Variants in USP5 observed in about 807,000 individuals in gnomAD.
USP5 encodes ubiquitin specific peptidase 5, also known as ubiquitin carboxyl-terminal hydrolase 5.
Under a neutral mutation model 102.5 loss-of-function variants are expected in USP5, and 24 were observed. The observed-to-expected ratio is 0.23, with a 90% CI of 0.17 to 0.33. USP5 has a LOEUF of 0.33. Ranked by LOEUF, USP5 falls within the 10% of genes least tolerant of loss-of-function variation. The pLI, the probability that USP5 is intolerant of heterozygous loss-of-function variation, is 1.00. For synonymous variants in USP5, 460 were observed against 434.8 expected (o/e 1.06, Z -0.72); for missense variants, 753 against 1,122.1 (o/e 0.67, Z 4.70).
Position 6,861,238 on chromosome 12 carries a change from AG to A in USP5, c.1498+134del. 6.9e-7 allele frequency: 1 copy of A among 1,456,438 alleles called. No homozygotes were observed. Among genetic ancestry groups the A allele is most frequent in the Non-Finnish European group, 9.2e-7 (1 of 1,085,002 alleles). The allele number at this position is 1,456,438 out of a possible 1,614,324, so 90.2% of individuals were successfully genotyped here. Reference sequence around the variant, plus strand: ...AGCCAAGGTTCCAGTCTGGGCCACCAGGAGTAGGTAGATTAACCTCGTCCAG... The same window carrying A: ...AGCCAAGGTTCCAGTCTGGGCCACCAGAGTAGGTAGATTAACCTCGTCCAG... On this transcript the variant is annotated intron_variant, in intron 12 of 19. Transcript: ENST00000229268. The surrounding 1 kb of genome is among the most constrained non-coding windows in gnomAD (Gnocchi z 4.9).
chr12:6,854,018 C>T (rs1211332688), intron 1 of USP5, among the ~76,000 whole-genome samples: 1 of 152,144 alleles, frequency 6.6e-6, no homozygotes, highest in Admixed American at 6.5e-5. Flanking sequence ...GAGGGAAGAC[C>T]CTTATTGTCT....
rs1555130163 is a variant in USP5, at chr12:6,864,012, A to C, written c.2099-38A>C. ...GGGAGCAGGGTGGGGCAGGGCCTCC[A>C]TCCTCCCCCAAACACATCAACCCCT... On this transcript the variant is annotated intron_variant, in intron 16 of 19. Coordinates refer to ENST00000229268, the MANE Select transcript of USP5 (RefSeq NM_001098536.2). The surrounding 1 kb of genome is among the most constrained non-coding windows in gnomAD (Gnocchi z 4.8). 1 of 1,580,584 alleles carries C rather than the reference A, an allele frequency of 6.3e-7. No individual in the cohort carries two copies. Among genetic ancestry groups the C allele is most frequent in the Non-Finnish European group, 8.6e-7 (1 of 1,157,952 alleles).
rs923761206 is a variant in USP5 at position 6,863,926 on chromosome 12, G to A, written c.2051G>A (p.Gly684Glu). 1.9e-6 allele frequency: 3 copies of A among 1,610,048 alleles called. No homozygotes were observed. The highest frequency in any genetic ancestry group is 2.5e-6 in the Non-Finnish European group (3 of 1,177,272). ...RKAVYYTGNS[G>E]AEAAMNWVMS... ...GCTGTCTACTACACGGGCAACAGCG[G>A]GGCTGAGGCCGCCATGAACTGGGTC... is the stretch of plus-strand genomic sequence containing the variant. Residue 684 changes from glycine to glutamate, a missense_variant, in exon 16 of 20, where the codon GGG becomes GAG. Physicochemically the swap from Gly to Glu is moderately conservative, Grantham distance 98. Coordinates refer to ENST00000229268, the MANE Select transcript of USP5 (RefSeq NM_001098536.2). The surrounding 1 kb of genome is among the most constrained non-coding windows in gnomAD (Gnocchi z 4.7).
rs782302925 is a variant in USP5, at chr12:6,855,743, G to A, written c.238-12G>A. Reference sequence around the variant, plus strand: ...GCTCATTGCTGATCCAGCCCTTCCTGCTTCTTTACAGAAAGAGGAGGACCC... The same window carrying A: ...GCTCATTGCTGATCCAGCCCTTCCTACTTCTTTACAGAAAGAGGAGGACCC... On this transcript the variant is annotated splice_polypyrimidine_tract_variant and intron_variant, in intron 2 of 19. Transcript: ENST00000229268. The surrounding 1 kb of genome is among the most constrained non-coding windows in gnomAD (Gnocchi z 4.6). 1.9e-6 allele frequency: 3 copies of A among 1,614,118 alleles called. No individual in the cohort carries two copies. The highest frequency in any genetic ancestry group is 2.5e-6 in the Non-Finnish European group (3 of 1,179,980).
Position 6,860,984 on chromosome 12 carries a change from A to G in USP5, c.1376A>G (p.Glu459Gly). 6.2e-7 allele frequency: 1 copy of G among 1,613,960 alleles called. No homozygotes were observed. The highest frequency in any genetic ancestry group is 8.5e-7 in the Non-Finnish European group (1 of 1,179,978). The stretch of plus-strand genomic sequence containing the variant: ...TGCCGGAGCTCTGAAAATCCTAATG[A>G]AGTGTTCCGCTTCTTGGTGGAGGAA... Reference protein sequence around the residue: ...RNCRSSENPNEVFRFLVEEKI... With the variant: ...RNCRSSENPNGVFRFLVEEKI... The change falls in exon 12 of 20, where the codon GAA becomes GGA. Residue 459 changes from glutamate (E) to glycine (G), a missense_variant. Glu to Gly is a moderately conservative substitution (Grantham distance 98). This residue lies in a region of USP5 where 527 missense variants were observed against 816.5 expected (regional missense o/e 0.65). Coordinates refer to ENST00000229268, the MANE Select transcript of USP5 (RefSeq NM_001098536.2). The surrounding 1 kb of genome is among the most constrained non-coding windows in gnomAD (Gnocchi z 5.5).
chr12:6,860,606 CTG>C lies in USP5; in HGVS notation c.1344+119_1344+120del. 1 of 1,520,434 alleles carries C rather than the reference CTG, an allele frequency of 6.6e-7. No individual in the cohort carries two copies. The highest frequency in any genetic ancestry group is 2.3e-5 in the East Asian group (1 of 44,144). The allele number at this position is 1,520,434 out of a possible 1,614,324, so 94.2% of individuals were successfully genotyped here. On this transcript the variant is annotated intron_variant, in intron 11 of 19. Transcript: ENST00000229268. This position sits in a 1 kb window ranked among gnomAD's most constrained non-coding sequence, Gnocchi z 5.5. ...AGTCCCATCCCTGAACCCCAACAGT[CTG>C]TGTCCCTGTGAACAGTGCTTGCACC... is the stretch of plus-strand genomic sequence containing the variant.
rs1222304594 is a variant in USP5, at chr12:6,861,360, C to T, written c.1499-83C>T. The T allele has an allele frequency of 4.8e-6, 7 of 1,456,630 alleles. No individual in the cohort carries two copies. Among genetic ancestry groups the T allele is most frequent in the South Asian group, 1.4e-5 (1 of 73,660 alleles). 90.2% of individuals were successfully genotyped at this position (1,456,630 alleles called of 1,614,324 possible). A position where few individuals can be genotyped will look rare whatever the true frequency, so the allele number is the denominator to read the frequency against. On this transcript the variant is annotated intron_variant, in intron 12 of 19. Coordinates refer to ENST00000229268, the MANE Select transcript of USP5 (RefSeq NM_001098536.2). The surrounding 1 kb of genome is among the most constrained non-coding windows in gnomAD (Gnocchi z 4.9). Reference sequence around the variant, plus strand: ...TTGGAAGGGTAGAGGAACTGAAATACGGACACAGAGCCAGTAGGGAGAGGC... The same window carrying T: ...TTGGAAGGGTAGAGGAACTGAAATATGGACACAGAGCCAGTAGGGAGAGGC...
At position 6,855,542 on chromosome 12, in the gene USP5, G is replaced by A. The variant is rs367942459; in HGVS notation, c.237+16G>A. 2 of 1,613,658 alleles carry A rather than the reference G, an allele frequency of 1.2e-6. No individual in the cohort carries two copies. The highest frequency in any genetic ancestry group is 1.7e-6 in the Non-Finnish European group (2 of 1,179,960). ...CCGGCGCCCGGTAGGAGCAGGGCTG[G>A]GGCAAGGCCTGGGTACATTGTCTGT... is the stretch of plus-strand genomic sequence containing the variant. On this transcript the variant is annotated intron_variant, in intron 2 of 19. Coordinates refer to ENST00000229268, the MANE Select transcript of USP5 (RefSeq NM_001098536.2). The surrounding 1 kb of genome is among the most constrained non-coding windows in gnomAD (Gnocchi z 4.6).
rs1565533552 is a variant in USP5, at chr12:6,863,398, CCTGT to C, written c.1954+24_1954+27del. The C allele has an allele frequency of 6.2e-7, 1 of 1,607,942 alleles. No homozygotes were observed. The highest frequency in any genetic ancestry group is 8.5e-7 in the Non-Finnish European group (1 of 1,176,044). ...GACATGTTAGTGACTCTTCTTCCTG[CCTGT>C]CTCTCTCCCGTGCTGATGGGGGCCT... On this transcript the variant is annotated intron_variant, in intron 15 of 19. Transcript: ENST00000229268. The surrounding 1 kb of genome is among the most constrained non-coding windows in gnomAD (Gnocchi z 4.7).
chr12:6,861,473 G>A lies in USP5; in HGVS notation c.1529G>A (p.Arg510Gln), dbSNP rs781936322. 6.4e-5 allele frequency: 101 copies of A among 1,586,388 alleles called. 1 individual carries two copies. The South Asian group carries it at 7.7e-4, about 12-fold the overall frequency. ...EELLEYEEKK[R>Q]QAEEEKMALP... ...CTTCTGGAGTACGAGGAGAAGAAGC[G>A]GCAAGCCGAAGAGGAGAAGATGGCA... Residue 510 changes from arginine to glutamine, a missense_variant, in exon 13 of 20, where the codon CGG becomes CAG. Transcript: ENST00000229268. This position sits in a 1 kb window ranked among gnomAD's most constrained non-coding sequence, Gnocchi z 4.9.
intron 1 of USP5, 152 bp downstream of exon 1, chr12:6,852,442 T>G: frequency 2.4e-6 from 2 of 829,918 alleles, no homozygotes; most frequent in Non-Finnish European, 1.8e-6. Flanking sequence ...TGCCTTTCAT[T>G]AACTGCGGCT....
Position 6,857,454 on chromosome 12 carries a change from C to G in USP5, c.770-175C>G, listed in dbSNP as rs1478875880. ...GGTTTCATCTGTCTTCCCTGACCGT[C>G]AGCCCCAGAAGGGCCATGACCGCAC... On this transcript the variant is annotated intron_variant, in intron 6 of 19. Coordinates refer to ENST00000229268, the MANE Select transcript of USP5 (RefSeq NM_001098536.2). 5.5e-6 allele frequency: 3 copies of G among 550,340 alleles called. No homozygotes were observed. In the East Asian group the frequency reaches 8.8e-5, roughly 16 times the overall value. 34.1% of individuals were successfully genotyped at this position (550,340 alleles called of 1,614,324 possible). A position where few individuals can be genotyped will look rare whatever the true frequency, so the allele number is the denominator to read the frequency against.
intron 19 of USP5, among the ~76,000 whole-genome samples, 191 bp from the exon 20 acceptor site, chr12:6,865,793 A>G (rs781790912): frequency 1.8e-4 from 27 of 152,158 alleles, no homozygotes; most frequent in Non-Finnish European, 3.5e-4. Flanking sequence ...GGAGGATCTG[A>G]AGACATAATA....
At position 6,858,857 on chromosome 12, in the gene USP5, T is replaced by TG. The variant is rs1944193123; in HGVS notation, c.1058+240_1058+241insG. 3.1e-5 allele frequency: 10 copies of TG among 321,586 alleles called. No homozygotes were observed. Among genetic ancestry groups the TG allele is most frequent in the African/African-American group, 1.5e-4 (7 of 46,440 alleles). The allele number at this position is 321,586 out of a possible 1,614,324, so 19.9% of individuals were successfully genotyped here. A position where few individuals can be genotyped will look rare whatever the true frequency, so the allele number is the denominator to read the frequency against. The stretch of plus-strand genomic sequence containing the variant: ...AACATAGCGAGACCCTGTCTTCTCT[T>TG]AAAAAAAAAAAAGAATAATTCCTGT... On this transcript the variant is annotated intron_variant, in intron 8 of 19. Coordinates refer to ENST00000229268, the MANE Select transcript of USP5 (RefSeq NM_001098536.2). This position sits in a 1 kb window ranked among gnomAD's most constrained non-coding sequence, Gnocchi z 4.2.
At position 6,861,643 on chromosome 12, in the gene USP5, G is replaced by T; in HGVS notation, c.1673+26G>T. On this transcript the variant is annotated intron_variant, in intron 13 of 19. Transcript: ENST00000229268. This position sits in a 1 kb window ranked among gnomAD's most constrained non-coding sequence, Gnocchi z 4.9. ...GTAAGTCCTCTGGTCGGGGCCTGAG[G>T]CTGTGGGTCTATGGCAGAGCTATCC... 6.6e-7 allele frequency: 1 copy of T among 1,512,504 alleles called. No individual in the cohort carries two copies. Among genetic ancestry groups the T allele is most frequent in the Non-Finnish European group, 8.9e-7 (1 of 1,128,676 alleles). The allele number at this position is 1,512,504 out of a possible 1,614,324, so 93.7% of individuals were successfully genotyped here.
chr12:6,863,266 C>T lies in USP5; in HGVS notation c.1843C>T (p.Pro615Ser). Reference protein sequence around the residue: ...TGLQPGEEELPDIAPPLVTPD... With the variant: ...TGLQPGEEELSDIAPPLVTPD... Reference sequence around the variant, plus strand: ...GCTGCAGCCCGGAGAGGAGGAGCTGCCAGACATTGCCCCACCCCTGGTCAC... The same window carrying T: ...GCTGCAGCCCGGAGAGGAGGAGCTGTCAGACATTGCCCCACCCCTGGTCAC... The change falls in exon 15 of 20, where the codon CCA (proline) becomes TCA (serine). Residue 615 changes from proline to serine, a missense_variant. Physicochemically the swap from Pro to Ser is moderately conservative, Grantham distance 74. Around this residue, in one of 3 missense-constraint regions of USP5, gnomAD observed 527 missense variants for 816.5 expected, o/e 0.65. Coordinates refer to ENST00000229268, the MANE Select transcript of USP5 (RefSeq NM_001098536.2). The surrounding 1 kb of genome is among the most constrained non-coding windows in gnomAD (Gnocchi z 4.7). 1 of 1,614,180 alleles carries T rather than the reference C, an allele frequency of 6.2e-7. No homozygotes were observed. The highest frequency in any genetic ancestry group is 1.3e-5 in the African/African-American group (1 of 75,058).
Position 6,858,736 on chromosome 12 carries a change from C to A in USP5, c.1058+119C>A. The A allele has an allele frequency of 1.0e-6, 1 of 968,612 alleles. No individual in the cohort carries two copies. The highest frequency in any genetic ancestry group is 1.5e-6 in the Non-Finnish European group (1 of 669,424). The allele number at this position is 968,612 out of a possible 1,614,324, so 60.0% of individuals were successfully genotyped here. A position where few individuals can be genotyped will look rare whatever the true frequency, so the allele number is the denominator to read the frequency against. ...ATTCTAGTCTTAGAGTAGTTCCTAT[C>A]GGCTGGGTGTGTTGGCCCACACCCG... On this transcript the variant is annotated intron_variant, in intron 8 of 19. Transcript: ENST00000229268. The surrounding 1 kb of genome is among the most constrained non-coding windows in gnomAD (Gnocchi z 4.2).
rs1555128872 is a variant in USP5, at chr12:6,858,640, C to G, written c.1058+23C>G. The G allele has an allele frequency of 5.0e-6, 8 of 1,587,024 alleles. No homozygotes were observed. In the South Asian group the frequency reaches 8.9e-5, roughly 18 times the overall value. ...GAAGTGAGTAGTGCCCTCTCCTTCC[C>G]CAGGCCCCCTCCTGGTCAGCACCCT... is the stretch of plus-strand genomic sequence containing the variant. On this transcript the variant is annotated intron_variant, in intron 8 of 19. Coordinates refer to ENST00000229268, the MANE Select transcript of USP5 (RefSeq NM_001098536.2). The surrounding 1 kb of genome is among the most constrained non-coding windows in gnomAD (Gnocchi z 4.2).
In USP5 at chr12:6,856,662, A is replaced by G; in HGVS notation, c.585-45A>G. ...GCCCTCTCTCTCTGCCACTCCCTCAAATCCCCGACCCACATTTCTGCTGAT... is the reference window on the plus strand; with the variant it reads ...GCCCTCTCTCTCTGCCACTCCCTCAGATCCCCGACCCACATTTCTGCTGAT... On this transcript the variant is annotated intron_variant, in intron 5 of 19. Coordinates refer to ENST00000229268, the MANE Select transcript of USP5 (RefSeq NM_001098536.2). The surrounding 1 kb of genome is among the most constrained non-coding windows in gnomAD (Gnocchi z 5.6). 6.2e-7 allele frequency: 1 copy of G among 1,606,172 alleles called. No homozygotes were observed. Among genetic ancestry groups the G allele is most frequent in the Non-Finnish European group, 8.5e-7 (1 of 1,176,496 alleles).
Sources: gnomAD v4.1 joint callset for allele counts (sites outside exome capture counted in the v4.1 genomes callset) on GRCh38, gnomAD v4.1.1 for gene constraint, gnomAD v4.1.1 regional missense constraint, Gnocchi (gnomAD v3.1) non-coding constraint, MANE v1.5 for transcripts, NCBI Gene and HGNC (gene_info 2026-07-23, HGNC 2026-07-21) for gene names.